Variants in HERC3 observed in about 807,000 individuals in gnomAD.
The protein encoded by HERC3 is HECT and RLD domain containing E3 ubiquitin protein ligase 3.
In HERC3, 58 loss-of-function variants were observed where a neutral mutation model predicts 129.9. The observed-to-expected ratio is 0.45, with a 90% confidence interval of 0.36 to 0.56. The LOEUF is 0.56. Among genes scored for constraint, HERC3 ranks in the 20% least tolerant of loss-of-function variants. HERC3 has a pLI of 0.00. For synonymous variants in HERC3, 430 were observed against 451.0 expected, an observed-to-expected ratio of 0.95 and a Z score of 0.59; for missense variants, 835 against 1,244.2, an observed-to-expected ratio of 0.67 and a Z score of 4.95.
chr4:88,565,468 C>T, the HERC3 span, among the ~76,000 whole-genome samples: 1 of 151,976 alleles, frequency 6.6e-6, no homozygotes, highest in African/African-American at 2.4e-5. Context: ...GCTGAATTGA[C>T]CCCTTTATCA....
intron 3 of HERC3, among the ~76,000 whole-genome samples, chr4:88,610,769 T>G (rs1724226821): frequency 6.6e-6 from 1 of 152,182 alleles, no homozygotes; most frequent in South Asian, 2.1e-4. Flanking sequence ...AGAACAATGA[T>G]AGCAAAGATC....
chr4:88,534,883 G>C, the HERC3 span, among the ~76,000 whole-genome samples: 1 of 152,144 alleles, frequency 6.6e-6, no homozygotes. Flanking sequence ...ATAGTCCATA[G>C]TGTAAAAGGA....
the HERC3 span, among the ~76,000 whole-genome samples, chr4:88,554,526 G>T: frequency 1.3e-5 from 2 of 152,150 alleles, no homozygotes; most frequent in Non-Finnish European, 2.9e-5. Context: ...CTGCTATTTA[G>T]TCTTTGTGAA....
At chr4:88,533,915 C>A in the HERC3 span, among the ~76,000 whole-genome samples, 1 of 152,104 alleles carries the variant, frequency 6.6e-6, no homozygotes, top group African/African-American at 2.4e-5. Context: ...GTGCTATGTA[C>A]CTTCACTATC....
intron 3 of HERC3, among the ~76,000 whole-genome samples, chr4:88,611,540 C>G (rs1160491143): frequency 1.3e-5 from 2 of 152,150 alleles, no homozygotes; most frequent in Middle Eastern, 3.2e-3. Context: ...AGCTTGGTAT[C>G]ATTGCCCAGA....
At chr4:88,539,362 G>A in the HERC3 span, among the ~76,000 whole-genome samples, 1 of 152,162 alleles carries the variant, frequency 6.6e-6, no homozygotes, top group African/African-American at 2.4e-5. Flanking sequence ...GCAGCCTCGG[G>A]GGGAGAGGGG....
the HERC3 span, among the ~76,000 whole-genome samples, chr4:88,567,111 T>C: frequency 3.3e-5 from 5 of 152,198 alleles, no homozygotes; most frequent in African/African-American, 1.2e-4. Context: ...AAATATATCA[T>C]GCCACTCTGT....
intron 3 of HERC3, among the ~76,000 whole-genome samples, chr4:88,630,717 A>G (rs1444605177): frequency 6.6e-6 from 1 of 152,236 alleles, no homozygotes; most frequent in Admixed American, 6.5e-5. Context: ...GCATTTAACT[A>G]TAACAAAATT....
At chr4:88,612,335 G>A (rs1232353323) in intron 3 of HERC3, among the ~76,000 whole-genome samples, 2 of 146,812 alleles carry the variant, frequency 1.4e-5, no homozygotes, top group East Asian at 2.0e-4. Flanking sequence ...GTGGTAAGAA[G>A]GAGGCATTTC....
chr4:88,575,833 C>T, the HERC3 span, among the ~76,000 whole-genome samples: 1 of 152,150 alleles, frequency 6.6e-6, no homozygotes, highest in Non-Finnish European at 1.5e-5. Flanking sequence ...CCATCAAACC[C>T]GGTTCAATTT....
chr4:88,547,495 G>C, the HERC3 span, among the ~76,000 whole-genome samples: 3 of 152,042 alleles, frequency 2.0e-5, no homozygotes, highest in African/African-American at 7.2e-5. Context: ...ATACTTATTA[G>C]CACTTACTCC....
the HERC3 span, among the ~76,000 whole-genome samples, chr4:88,576,150 C>A: frequency 1.3e-5 from 2 of 152,196 alleles, no homozygotes; most frequent in Non-Finnish European, 2.9e-5. Context: ...CAATCTACTT[C>A]TCTTCATCTC....
chr4:88,676,231 C>G lies in HERC3; in HGVS notation c.1925C>G (p.Ser642Ter). 1 of 1,569,932 alleles carries G rather than the reference C, an allele frequency of 6.4e-7. No homozygotes were observed. The highest frequency in any genetic ancestry group is 8.8e-7 in the Non-Finnish European group (1 of 1,140,508). Residue 642 changes from serine to a stop codon, truncating the protein, a stop_gained, in exon 17 of 26, where the codon TCA becomes TGA. Coordinates refer to ENST00000402738, the MANE Select transcript of HERC3 (RefSeq NM_014606.3). LOFTEE classifies it high-confidence loss of function. ...TTCTTTACACAGAAGGCTAGACCAT[C>G]AATAATACAGGTAAATGATCCTTTT... ...LHQAGMKARP[S>*]IIQDTVTLCS...
intron 21 of HERC3, chr4:88,684,980 A>C (rs1422793636): frequency 6.6e-6 from 1 of 152,344 alleles, no homozygotes; most frequent in Non-Finnish European, 1.5e-5. Flanking sequence ...TGTGGCCAAC[A>C]AACGTATGAA....
Position 88,658,399 on chromosome 4 carries a change from AT to A in HERC3, c.1070-6del, listed in dbSNP as rs543211231. The A allele has an allele frequency of 6.5e-3, 8,896 of 1,366,130 alleles. No individual in the cohort carries two copies. Among genetic ancestry groups the A allele is most frequent in the South Asian group, 8.3e-3 (611 of 73,950 alleles). The allele number at this position is 1,366,130 out of a possible 1,614,324, so 84.6% of individuals were successfully genotyped here. ...AATTAATGAAAAATATGCTTTCGGA[AT>A]TTTTTTTTTGACAGATCGCTTTAAA... On this transcript the variant is annotated splice_polypyrimidine_tract_variant and intron_variant, in intron 9 of 25. Transcript: ENST00000402738.
At chr4:88,562,502 T>G in the HERC3 span, among the ~76,000 whole-genome samples, 2 of 152,192 alleles carry the variant, frequency 1.3e-5, no homozygotes. Flanking sequence ...ATTTTTAACT[T>G]GATGTGATCC....
intron 14 of HERC3, chr4:88,668,692 T>G (rs376107145): frequency 6.5e-6 from 1 of 153,692 alleles, no homozygotes; most frequent in African/African-American, 2.4e-5. Context: ...GGCTTTTTAC[T>G]TTTTTCCCCC....
At chr4:88,595,150 C>T (rs1722222169) in intron 1 of HERC3, among the ~76,000 whole-genome samples, 1 of 148,022 alleles carries the variant, frequency 6.8e-6, no homozygotes, top group Non-Finnish European at 1.5e-5. Context: ...AGACAGTCTT[C>T]ATAACAGTTG....
the HERC3 span, among the ~76,000 whole-genome samples, chr4:88,557,650 G>A: frequency 5.3e-5 from 8 of 152,268 alleles, no homozygotes; most frequent in South Asian, 8.3e-4. Context: ...CTCTAGCAAA[G>A]CATCCAAGGG....
Sources: gnomAD v4.1 joint callset for allele counts (sites outside exome capture counted in the v4.1 genomes callset) on GRCh38, gnomAD v4.1.1 for gene constraint, MANE v1.5 for transcripts, NCBI Gene and HGNC (gene_info 2026-07-23, HGNC 2026-07-21) for gene names.